The following SNAP47 variants were observed in gnomAD, a reference collection of about 807,000 sequenced individuals.
SNAP47 encodes synaptosome associated protein 47, also known as synaptosomal-associated protein 47.
SNAP47 carries 20 observed loss-of-function variants against 31.4 expected under a neutral mutation model. The observed-to-expected ratio is 0.64, with a 90% confidence interval of 0.45 to 0.93. The LOEUF is 0.93. Among genes scored for constraint, SNAP47 ranks in the 40% least tolerant of loss-of-function variants. The pLI, the probability that SNAP47 is intolerant of heterozygous loss-of-function variation, is 0.00. For synonymous variants in SNAP47, 194 were observed against 213.4 expected (o/e 0.91, Z 0.79); for missense variants, 492 against 528.5 (o/e 0.93, Z 0.68).
rs987894556 is a variant in SNAP47, at chr1:227,762,948, T to C, written c.988+3463T>C. On this transcript the variant is annotated intron_variant, in intron 3 of 4. Transcript: ENST00000617596. The surrounding 1 kb of genome is among the most constrained non-coding windows in gnomAD (Gnocchi z 4.2). The stretch of plus-strand genomic sequence containing the variant: ...CAAGGGACATGCACAGTATTTTCTT[T>C]TTCTTTTTATTTATTTTTTTCTTTT... Among the ~76,000 whole-genome samples the C allele has an allele frequency of 1.3e-5, 2 of 152,232 alleles. No homozygotes were observed. Among genetic ancestry groups the C allele is most frequent in the East Asian group, 1.9e-4 (1 of 5,168 alleles).
At chr1:227,736,836 T>C (rs994117670) in intron 1 of SNAP47, among the ~76,000 whole-genome samples, 3 of 152,010 alleles carry the variant, frequency 2.0e-5, no homozygotes, top group Admixed American at 6.6e-5. Context: ...CTAGAGGTTT[T>C]GTTAGGGGAA....
intron 2 of SNAP47, among the ~76,000 whole-genome samples, chr1:227,750,035 G>C (rs1013697113): frequency 1.3e-5 from 2 of 152,260 alleles, no homozygotes; most frequent in Admixed American, 1.3e-4. Context: ...ATTGGCCACT[G>C]TCCCTCAGCC....
intron 1 of SNAP47, among the ~76,000 whole-genome samples, chr1:227,738,434 C>A (rs955918402): frequency 6.6e-6 from 1 of 152,180 alleles, no homozygotes; most frequent in Non-Finnish European, 1.5e-5. Flanking sequence ...TCTCTCCACT[C>A]TTCTCTCCCC....
chr1:227,762,839 C>T lies in SNAP47; in HGVS notation c.988+3354C>T, dbSNP rs1663151346. On this transcript the variant is annotated intron_variant, in intron 3 of 4. Coordinates refer to ENST00000617596, the MANE Select transcript of SNAP47 (RefSeq NM_053052.4). The surrounding 1 kb of genome is among the most constrained non-coding windows in gnomAD (Gnocchi z 4.2). ...TGGGCCAGGGCTTGCACAGCAGCCT[C>T]TGTCTCAGATTTTCTTGCAGTCGGC... Among the ~76,000 whole-genome samples, 1 of 152,208 alleles carries T rather than the reference C, an allele frequency of 6.6e-6. No individual in the cohort carries two copies. Among genetic ancestry groups the T allele is most frequent in the East Asian group, 1.9e-4 (1 of 5,188 alleles).
At chr1:227,735,011 C>A, upstream of SNAP47, 1 of 1,537,844 alleles carries the variant, frequency 6.5e-7, no homozygotes, top group South Asian at 1.2e-5. Context: ...CGCCGCCCCA[C>A]CGTAGGTCCG....
At chr1:227,731,230 A>G (rs1227024825), upstream of SNAP47, 2 of 152,390 alleles carry the variant, frequency 1.3e-5, no homozygotes, top group East Asian at 3.9e-4. Context: ...CATATGAAGC[A>G]CCTACTGTGT....
In SNAP47 at chr1:227,748,089, G is replaced by A. The variant is rs200031076; in HGVS notation, c.353G>A (p.Arg118Gln). The change falls in exon 2 of 5, where the codon CGG becomes CAG. Residue 118 changes from arginine (R) to glutamine (Q), a missense_variant. Physicochemically the swap from Arg to Gln is conservative, Grantham distance 43. Coordinates refer to ENST00000617596, the MANE Select transcript of SNAP47 (RefSeq NM_053052.4). ...AVADASVPRT[R>Q]GEELTGLMAG... Reference sequence around the variant, plus strand: ...GCAGACGCATCTGTCCCAAGGACCCGGGGCGAGGAGCTGACGGGACTCATG... The same window carrying A: ...GCAGACGCATCTGTCCCAAGGACCCAGGGCGAGGAGCTGACGGGACTCATG... 9.1e-5 allele frequency: 147 copies of A among 1,614,006 alleles called. No homozygotes were observed. Among genetic ancestry groups the A allele is most frequent in the Non-Finnish European group, 7.3e-5 (86 of 1,180,044 alleles).
rs201752039 is a variant in SNAP47 at position 227,758,927 on chromosome 1, C to CA, written c.498-59dup. 2,672 of 1,477,740 alleles carry CA rather than the reference C, an allele frequency of 1.8e-3. 36 individuals are homozygous for CA. In the African/African-American group the frequency reaches 0.031, roughly 17 times the overall value. The allele number at this position is 1,477,740 out of a possible 1,614,324, so 91.5% of individuals were successfully genotyped here. ...CTTTACAAAGGTTAAAACCGTTTTCCAAAAAAAAAGGTATTACTCCTTAAA... is the reference window on the plus strand; with the variant it reads ...CTTTACAAAGGTTAAAACCGTTTTCCAAAAAAAAAAGGTATTACTCCTTAAA... On this transcript the variant is annotated intron_variant, in intron 2 of 4. Transcript: ENST00000617596.
chr1:227,769,360 C>T (rs534331743), intron 4 of SNAP47, among the ~76,000 whole-genome samples: 22 of 152,082 alleles, frequency 1.4e-4, no homozygotes, highest in Non-Finnish European at 3.1e-4. Flanking sequence ...TGGTCAGATG[C>T]GGGCCCCCTT....
At chr1:227,758,004 A>T (rs920147003) in intron 2 of SNAP47, among the ~76,000 whole-genome samples, 1 of 152,190 alleles carries the variant, frequency 6.6e-6, no homozygotes, top group Non-Finnish European at 1.5e-5. Flanking sequence ...GGGGAAAGAA[A>T]CAAATGAGCT....
intron 1 of SNAP47, among the ~76,000 whole-genome samples, chr1:227,742,980 G>T (rs775619397): frequency 8.5e-5 from 13 of 152,192 alleles, no homozygotes; most frequent in Non-Finnish European, 1.5e-4. Context: ...GGTGGGGAGT[G>T]GGTGGCCCTG....
At chr1:227,732,940 C>T (rs201687290), upstream of SNAP47, 40 of 1,613,188 alleles carry the variant, frequency 2.5e-5, no homozygotes, top group Admixed American at 3.3e-4. Context: ...TCCTCCTGCA[C>T]GGCGCATAGC....
In SNAP47 at chr1:227,738,062, G is replaced by A. The variant is rs547764622; in HGVS notation, c.-46+2563G>A. On this transcript the variant is annotated intron_variant, in intron 1 of 4. Coordinates refer to ENST00000617596, the MANE Select transcript of SNAP47 (RefSeq NM_053052.4). ...TGTTTTGTTGTTTTTGCTGTTTTGA[G>A]ACCGCGTCTTATTCTGTCACCCAGG... 5.3e-5 allele frequency among the ~76,000 whole-genome samples: 8 copies of A among 151,934 alleles called. No individual in the cohort carries two copies. The South Asian group carries it at 1.5e-3, about 28-fold the overall frequency.
intron 2 of SNAP47, among the ~76,000 whole-genome samples, chr1:227,748,501 C>T (rs1662129718): frequency 6.6e-6 from 1 of 152,256 alleles, no homozygotes; most frequent in African/African-American, 2.4e-5. Flanking sequence ...CCTGGCACCA[C>T]TGCCGTCCAC....
chr1:227,738,153 T>C (rs1272671611), intron 1 of SNAP47, among the ~76,000 whole-genome samples: 2 of 152,194 alleles, frequency 1.3e-5, no homozygotes, highest in Non-Finnish European at 2.9e-5. Flanking sequence ...GTGATTCTCC[T>C]GCCTCAGCCT....
upstream of SNAP47, chr1:227,733,278 C>T (rs1660797004): frequency 2.0e-6 from 2 of 994,480 alleles, no homozygotes; most frequent in South Asian, 1.7e-5. Flanking sequence ...CTCAGCGACA[C>T]CACCTTGTGA....
chr1:227,768,566 G>T (rs192039708), intron 4 of SNAP47, among the ~76,000 whole-genome samples: 42 of 152,296 alleles, frequency 2.8e-4, no homozygotes, highest in African/African-American at 9.9e-4. Flanking sequence ...GTTCATATTT[G>T]CTCTGGGGTA....
chr1:227,766,846 C>T (rs981715824), intron 3 of SNAP47, 113 bp from the exon 4 acceptor site: 5 of 1,452,936 alleles, frequency 3.4e-6, no homozygotes, highest in African/African-American at 1.4e-5. Flanking sequence ...AGCAGTCCTG[C>T]GTGTGGTGGC....
intron 2 of SNAP47, among the ~76,000 whole-genome samples, chr1:227,750,176 G>A (rs1057260837): frequency 1.3e-5 from 2 of 152,274 alleles, no homozygotes; most frequent in Non-Finnish European, 2.9e-5. Flanking sequence ...GCCGGAAGAT[G>A]ACAGAGCCCC....
Sources: gnomAD v4.1 joint callset for allele counts (sites outside exome capture counted in the v4.1 genomes callset) on GRCh38, gnomAD v4.1.1 for gene constraint, Gnocchi (gnomAD v3.1) non-coding constraint, MANE v1.5 for transcripts, NCBI Gene and HGNC (gene_info 2026-07-23, HGNC 2026-07-21) for gene names.